DUS3L: variants seen among roughly 807,000 people sequenced by gnomAD.
DUS3L encodes tRNA-dihydrouridine(47) synthase [NAD(P)(+)]-like.
In DUS3L, 62 loss-of-function variants were observed where a neutral mutation model predicts 74.6. The observed-to-expected ratio is 0.83, with a 90% confidence interval of 0.68 to 1.03. The LOEUF is 1.03. Ranked by LOEUF, DUS3L falls within the 50% of genes least tolerant of loss-of-function variation. DUS3L has a pLI of 0.00. For missense variants in DUS3L, 884 were observed against 924.4 expected (o/e 0.96, Z 0.57); for synonymous variants, 433 against 395.7 (o/e 1.09, Z -1.12).
At chr19:5,786,009 G>GT in intron 10 of DUS3L, 1 of 564,982 alleles carries the variant, frequency 1.8e-6, no homozygotes, top group African/African-American at 1.9e-5. Flanking sequence ...GGGTGCAGTG[G>GT]TAAGATCTCG....
Position 5,787,327 on chromosome 19 carries a change from T to C in DUS3L, c.1247A>G (p.Lys416Arg). The C allele has an allele frequency of 3.2e-6, 4 of 1,238,378 alleles. No individual in the cohort carries two copies. The highest frequency in any genetic ancestry group is 3.1e-6 in the Non-Finnish European group (3 of 964,806). 76.7% of individuals were successfully genotyped at this position (1,238,378 alleles called of 1,614,324 possible). The change falls in exon 7 of 13, where the codon AAG (lysine) becomes AGG (arginine). Residue 416 changes from lysine (K) to arginine (R), a missense_variant. Physicochemically the swap from Lys to Arg is conservative, Grantham distance 26 (BLOSUM62 2). Coordinates refer to ENST00000309061, the MANE Select transcript of DUS3L (RefSeq NM_020175.3). ...CATGCCACGGACGATCTGCTGGAAC[T>C]TGGTGGAGCGATTCATGAGGGCACA... ...GGCALMNRST[K>R]FQQIVRGMNQ... is the part of the protein sequence containing the mutation.
Position 5,789,364 on chromosome 19 carries a change from C to A in DUS3L, c.743G>T (p.Gly248Val). ...CCTGGGAGCGCCCTCGGCTGCCGTG[C>A]CCTCGGGGACAGCGGCAGCGGGTGT... ...GPTPAAAVPE[G>V]TAAEGAPRQE... The change falls in exon 3 of 13, where the codon GGC (glycine) becomes GTC (valine). Residue 248 changes from glycine (G) to valine (V), a missense_variant. Coordinates refer to ENST00000309061, the MANE Select transcript of DUS3L (RefSeq NM_020175.3). 2 of 1,594,260 alleles carry A rather than the reference C, an allele frequency of 1.3e-6. No homozygotes were observed. The highest frequency in any genetic ancestry group is 1.7e-6 in the Non-Finnish European group (2 of 1,172,092).
At position 5,790,109 on chromosome 19, in the gene DUS3L, C is replaced by T. The variant is rs201303761; in HGVS notation, c.325G>A (p.Gly109Ser). Residue 109 changes from glycine (G) to serine (S), a missense_variant, in exon 2 of 13, where the codon GGC becomes AGC. Transcript: ENST00000309061. ...TQKRARGQNK[G>S]RPHVKPTNYD... is the part of the protein sequence containing the mutation. ...TTCGTGGGCTTCACATGGGGCCGGCCCTTGTTTTGTCCCCGGGCCCTCTTC... is the reference window on the plus strand; with the variant it reads ...TTCGTGGGCTTCACATGGGGCCGGCTCTTGTTTTGTCCCCGGGCCCTCTTC... The T allele has an allele frequency of 5.0e-5, 81 of 1,614,130 alleles. No individual in the cohort carries two copies. In the Middle Eastern group the frequency reaches 1.7e-3, roughly 33 times the overall value.
In DUS3L at chr19:5,789,370, G is replaced by A. The variant is rs980860709; in HGVS notation, c.737C>T (p.Pro246Leu). 1.9e-6 allele frequency: 3 copies of A among 1,594,796 alleles called. No homozygotes were observed. Among genetic ancestry groups the A allele is most frequent in the Admixed American group, 1.7e-5 (1 of 57,224 alleles). Residue 246 changes from proline to leucine, a missense_variant, in exon 3 of 13, where the codon CCC becomes CTC. Transcript: ENST00000309061. Reference protein sequence around the residue: ...SQGPTPAAAVPEGTAAEGAPR... With the variant: ...SQGPTPAAAVLEGTAAEGAPR... ...AGCGCCCTCGGCTGCCGTGCCCTCG[G>A]GGACAGCGGCAGCGGGTGTGGGGCC...
At chr19:5,788,872 A>C (rs1261509990) in intron 3 of DUS3L, among the ~76,000 whole-genome samples, 2 of 151,860 alleles carry the variant, frequency 1.3e-5, no homozygotes, top group Non-Finnish European at 2.9e-5. Flanking sequence ...AGGCCCGGCT[A>C]ATTTTTGTAT....
rs763988246 is a variant in DUS3L, at chr19:5,789,464, G to T, written c.643C>A (p.Gln215Lys). The T allele has an allele frequency of 9.4e-6, 15 of 1,602,796 alleles. No homozygotes were observed. The South Asian group carries it at 1.7e-4, about 18-fold the overall frequency. Residue 215 changes from glutamine to lysine, a missense_variant, in exon 3 of 13, where the codon CAG (glutamine) becomes AAG (lysine). Physicochemically the swap from Gln to Lys is moderately conservative, Grantham distance 53. Coordinates refer to ENST00000309061, the MANE Select transcript of DUS3L (RefSeq NM_020175.3). The stretch of plus-strand genomic sequence containing the variant: ...ACCTCGCGCTTCCGCAGCTGCTGCT[G>T]CAGGGCTTTGTCCAGGCCGTTGCGG... ...SIRNGLDKAL[Q>K]QQLRKREVRF...
At position 5,790,032 on chromosome 19, in the gene DUS3L, C is replaced by T. The variant is rs775805844; in HGVS notation, c.387+15G>A. 64 of 1,609,260 alleles carry T rather than the reference C, an allele frequency of 4.0e-5. No homozygotes were observed. The highest frequency in any genetic ancestry group is 4.9e-5 in the Non-Finnish European group (58 of 1,176,032). On this transcript the variant is annotated intron_variant, in intron 2 of 12. Coordinates refer to ENST00000309061, the MANE Select transcript of DUS3L (RefSeq NM_020175.3). ...CTGCCTGCCCCGGCAGGAATGCTCA[C>T]GTGGCCGCACTTGCCTGGATTAGGG...
intron 7 of DUS3L, 42 bp from the exon 8 acceptor site, chr19:5,787,213 TGGTGGGAGA>T (rs2056859617): frequency 4.6e-6 from 7 of 1,517,210 alleles, no homozygotes; most frequent in Non-Finnish European, 5.4e-6. Context: ...TGGTGGGAGG[TGGTGGGAGA>T]CGGTGGGAGG....
chr19:5,785,993 A>C (rs2056838079), intron 10 of DUS3L: 1 of 607,468 alleles, frequency 1.6e-6, no homozygotes, highest in African/African-American at 1.9e-5. Flanking sequence ...TCTGTCGCCC[A>C]GGCTGGGGTG....
chr19:5,787,907 C>G, intron 5 of DUS3L, 117 bp downstream of exon 5: 5 of 1,491,876 alleles, frequency 3.4e-6, no homozygotes, highest in South Asian at 1.2e-5. Flanking sequence ...GCATCACCCC[C>G]ACTCCACAGC....
At position 5,787,610 on chromosome 19, in the gene DUS3L, G is replaced by C. The variant is rs778578540; in HGVS notation, c.1191C>G (p.Pro397=). 6.2e-7 allele frequency: 1 copy of C among 1,613,514 alleles called. No individual in the cohort carries two copies. Among genetic ancestry groups the C allele is most frequent in the Non-Finnish European group, 8.5e-7 (1 of 1,179,964 alleles). Residue 397 remains proline (P), a synonymous_variant, in exon 6 of 13, where the codon CCC becomes CCG. Coordinates refer to ENST00000309061, the MANE Select transcript of DUS3L (RefSeq NM_020175.3). ...VDFVDINVGC[P]IDLVYKKGGG... is the part of the protein sequence containing the mutation. ...CTACCTTCTTGTACACGAGGTCGAT[G>C]GGGCAGCCGACGTTGATGTCCACAA...
chr19:5,785,340 G>T, intron 12 of DUS3L, 43 bp downstream of exon 12: 1 of 1,607,106 alleles, frequency 6.2e-7, no homozygotes, highest in East Asian at 2.2e-5. Flanking sequence ...CCGTGACCCC[G>T]GGCCCCCGAC....
In DUS3L at chr19:5,789,207, C is replaced by T. The variant is rs1450084580; in HGVS notation, c.900G>A (p.Arg300=). Residue 300 remains arginine, a splice_region_variant and synonymous_variant, in exon 3 of 13, where the codon CGG becomes CGA. Transcript: ENST00000309061. ...TACTGACGTTGTCCTCAACACGTAC[C>T]CGCTTCTTCTCACAGGGCCGCAGCC... ...VVRLRPCEKK[R]LDIRGKLYLA... The T allele has an allele frequency of 3.9e-6, 6 of 1,529,984 alleles. No individual in the cohort carries two copies. The highest frequency in any genetic ancestry group is 4.4e-6 in the Non-Finnish European group (5 of 1,141,840). 94.8% of individuals were successfully genotyped at this position (1,529,984 alleles called of 1,614,324 possible). A position where few individuals can be genotyped will look rare whatever the true frequency, so the allele number is the denominator to read the frequency against.
In DUS3L at chr19:5,789,693, A is replaced by G; in HGVS notation, c.414T>C (p.Gly138=). 6.2e-7 allele frequency: 1 copy of G among 1,608,138 alleles called. No homozygotes were observed. Among genetic ancestry groups the G allele is most frequent in the Middle Eastern group, 1.7e-4 (1 of 6,052 alleles). ...CGTCGTGCAGAAAGCGGCAGCGATC[A>G]CCGAAGAAACACTTAGCAGCCGACT... ...IQESAAKCFF[G]DRCRFLHDVG... Residue 138 remains glycine, a synonymous_variant, in exon 3 of 13, where the codon GGT becomes GGC. Coordinates refer to ENST00000309061, the MANE Select transcript of DUS3L (RefSeq NM_020175.3).
In DUS3L at chr19:5,789,361, G is replaced by C. The variant is rs948373189; in HGVS notation, c.746C>G (p.Thr249Arg). 6.9e-6 allele frequency: 11 copies of C among 1,594,712 alleles called. No homozygotes were observed. In the African/African-American group the frequency reaches 1.2e-4, roughly 18 times the overall value. ...CTGCCTGGGAGCGCCCTCGGCTGCC[G>C]TGCCCTCGGGGACAGCGGCAGCGGG... is the stretch of plus-strand genomic sequence containing the variant. ...PTPAAAVPEGTAAEGAPRQEN... is the reference protein window; with the variant it reads ...PTPAAAVPEGRAAEGAPRQEN... Residue 249 changes from threonine to arginine, a missense_variant, in exon 3 of 13, where the codon ACG becomes AGG. Transcript: ENST00000309061.
Position 5,787,672 on chromosome 19 carries a change from A to C in DUS3L, c.1129T>G (p.Cys377Gly). Residue 377 changes from cysteine (C) to glycine (G), a missense_variant, in exon 6 of 13, where the codon TGT becomes GGT. Coordinates refer to ENST00000309061, the MANE Select transcript of DUS3L (RefSeq NM_020175.3). ...ACGGTGCGGCTCAGCAGCTCGGCACACTTGGTCATGGTGTCGGGGAAGGCG... is the reference window on the plus strand; with the variant it reads ...ACGGTGCGGCTCAGCAGCTCGGCACCCTTGGTCATGGTGTCGGGGAAGGCG... ...EGAFPDTMTK[C>G]AELLSRTVEV... The C allele has an allele frequency of 6.2e-7, 1 of 1,613,760 alleles. No homozygotes were observed. The highest frequency in any genetic ancestry group is 8.5e-7 in the Non-Finnish European group (1 of 1,179,964).
At chr19:5,787,487 CA>C in intron 6 of DUS3L, 101 bp downstream of exon 6, 1 of 1,516,034 alleles carries the variant, frequency 6.6e-7, no homozygotes, top group East Asian at 2.3e-5. Context: ...TCCAGGGCCA[CA>C]CTTGAGCCCA....
At chr19:5,790,682 C>T in intron 1 of DUS3L, 1 of 538,514 alleles carries the variant, frequency 1.9e-6, no homozygotes, top group Non-Finnish European at 3.3e-6. Context: ...ACACCGCAGG[C>T]CCCAGCACGC....
In DUS3L at chr19:5,788,358, G is replaced by A. The variant is rs147435669; in HGVS notation, c.941C>T (p.Thr314Met). The change falls in exon 4 of 13, where the codon ACG (threonine) becomes ATG (methionine). Residue 314 changes from threonine to methionine, a missense_variant and splice_region_variant. Coordinates refer to ENST00000309061, the MANE Select transcript of DUS3L (RefSeq NM_020175.3). ...RGKLYLAPLT[T>M]CGNLPFRRIC... is the part of the protein sequence containing the mutation. ...CCAGCCACCTGACCCAGGTCCTACC[G>A]TGGTGAGGGGGGCCAGGTAAAGTTT... is the stretch of plus-strand genomic sequence containing the variant. 4 of 1,613,762 alleles carry A rather than the reference G, an allele frequency of 2.5e-6. No individual in the cohort carries two copies. Among genetic ancestry groups the A allele is most frequent in the Admixed American group, 1.7e-5 (1 of 59,988 alleles).
Sources: gnomAD v4.1 joint callset for allele counts (sites outside exome capture counted in the v4.1 genomes callset) on GRCh38, gnomAD v4.1.1 for gene constraint, MANE v1.5 for transcripts, NCBI Gene and HGNC (gene_info 2026-07-23, HGNC 2026-07-21) for gene names.